Variants in DMD observed in about 807,000 individuals in gnomAD.
DMD encodes the protein dystrophin.
A neutral mutation model predicts 330.1 loss-of-function variants in DMD; 63 were observed. The observed-to-expected ratio is 0.19, with a 90% CI of 0.16 to 0.24. The LOEUF (loss-of-function observed/expected upper bound fraction) is 0.24. Ranked by LOEUF, DMD falls within the 10% of genes least tolerant of loss-of-function variation. DMD has a pLI of 1.00. For missense variants in DMD, 3,344 were observed against 2,684.1 expected (o/e 1.25, Z -5.43); for synonymous variants, 1,223 against 959.8 (o/e 1.27, Z -5.07).
At chrX:32,694,651 AT>A (rs11309795) in intron 9 of DMD, among the ~76,000 whole-genome samples, 16,073 of 110,574 alleles carry the variant, frequency 0.15, 2,652 homozygotes, top group African/African-American at 0.47. Context: ...CATACCATTT[AT>A]TTTTTTTATT....
intron 63 of DMD, among the ~76,000 whole-genome samples, chrX:31,238,700 C>T (rs1304563735): frequency 8.9e-6 from 1 of 112,201 alleles, no homozygotes. Context: ...CTCTGATGGC[C>T]TTCCCCGCTT....
At chrX:32,865,062 A>G (rs149496785) in intron 2 of DMD, among the ~76,000 whole-genome samples, 4,474 of 111,555 alleles carry the variant, frequency 0.04, 246 homozygotes, top group African/African-American at 0.14. Flanking sequence ...TTACAGTTCT[A>G]TAATTTAAAT....
intron 44 of DMD, among the ~76,000 whole-genome samples, chrX:32,213,984 A>T (rs2097103067): frequency 9.0e-6 from 1 of 110,774 alleles, no homozygotes; most frequent in African/African-American, 3.3e-5. Context: ...AAAAAAAAGT[A>T]TCCAATTGAG....
At chrX:31,125,593 G>C (rs1347994664) in intron 78 of DMD, among the ~76,000 whole-genome samples, 2 of 111,802 alleles carry the variant, frequency 1.8e-5, no homozygotes, top group African/African-American at 6.5e-5. Flanking sequence ...TCCTCCTTCA[G>C]ATTAAATTCT....
chrX:33,280,213 G>A (rs1485773466), intron 1 of DMD, among the ~76,000 whole-genome samples: 1 of 111,047 alleles, frequency 9.0e-6, no homozygotes, highest in Non-Finnish European at 1.9e-5. Flanking sequence ...GAACTCCTGA[G>A]CGTAAGCGAC....
rs139490827 is a variant in DMD at position 31,931,769 on chromosome X, T to A, written c.6762+311A>T. On this transcript the variant is annotated intron_variant, in intron 46 of 78. Coordinates refer to ENST00000357033, the MANE Select transcript of DMD (RefSeq NM_004006.3). ...TCTCAAGTAAAATCTAAAATTAATT[T>A]CAAATCAAAGATAAAAACTGTGAAT... is the stretch of plus-strand genomic sequence containing the variant. 7.7e-3 allele frequency among the ~76,000 whole-genome samples: 855 copies of A among 111,424 alleles called. 9 individuals carry two copies. Among genetic ancestry groups the A allele is most frequent in the African/African-American group, 0.026 (807 of 30,645 alleles).
chrX:32,938,292 T>G (rs1357482897), intron 2 of DMD, among the ~76,000 whole-genome samples: 1 of 111,577 alleles, frequency 9.0e-6, no homozygotes, highest in Non-Finnish European at 1.9e-5. Flanking sequence ...AAATAATACT[T>G]ATCAAAGGAG....
At chrX:31,729,050 T>C (rs928399004) in intron 52 of DMD, among the ~76,000 whole-genome samples, 8 of 111,788 alleles carry the variant, frequency 7.2e-5, no homozygotes, top group African/African-American at 2.6e-4. Context: ...CCCCATTAAA[T>C]GGATAGGAGT....
chrX:32,093,919 TA>T (rs1409600200), intron 44 of DMD, among the ~76,000 whole-genome samples: 26 of 105,491 alleles, frequency 2.5e-4, no homozygotes, highest in African/African-American at 5.5e-4. Flanking sequence ...AACCCTCCTT[TA>T]AAAAAAAAAG....
chrX:33,060,937 A>C (rs1276242902), intron 1 of DMD, among the ~76,000 whole-genome samples: 1 of 112,247 alleles, frequency 8.9e-6, no homozygotes, highest in Non-Finnish European at 1.9e-5. Context: ...GGGTTAAACT[A>C]AGTTAAACAA....
At chrX:32,605,399 A>G (rs1239188302) in intron 12 of DMD, among the ~76,000 whole-genome samples, 1 of 110,756 alleles carries the variant, frequency 9.0e-6, no homozygotes, top group Non-Finnish European at 1.9e-5. Flanking sequence ...TACAAAAATT[A>G]ACTCAAAATG....
chrX:32,467,648 A>G (rs2040175217), intron 23 of DMD, among the ~76,000 whole-genome samples: 1 of 107,207 alleles, frequency 9.3e-6, no homozygotes, highest in Non-Finnish European at 1.9e-5. Flanking sequence ...ATATATATAT[A>G]TACACACATA....
At chrX:32,106,459 T>C (rs747360686) in intron 44 of DMD, among the ~76,000 whole-genome samples, 1 of 111,683 alleles carries the variant, frequency 9.0e-6, no homozygotes, top group Non-Finnish European at 1.9e-5. Context: ...GTTATTAAAA[T>C]AGACTTGAAT....
At position 31,204,490 on chromosome X, in the gene DMD, A is replaced by T. The variant is rs149746360; in HGVS notation, c.9650-372T>A. The stretch of plus-strand genomic sequence containing the variant: ...CATTAAGAGACATATAACTGGCCCA[A>T]AGCACCACCCTCCTTGGACACCAGA... On this transcript the variant is annotated intron_variant, in intron 66 of 78. Coordinates refer to ENST00000357033, the MANE Select transcript of DMD (RefSeq NM_004006.3). Among the ~76,000 whole-genome samples, 849 of 112,357 alleles carry T rather than the reference A, an allele frequency of 7.6e-3. 4 individuals carry two copies. The highest frequency in any genetic ancestry group is 0.026 in the African/African-American group (807 of 30,917).
intron 7 of DMD, among the ~76,000 whole-genome samples, chrX:32,740,018 T>C (rs774759833): frequency 3.8e-4 from 42 of 110,126 alleles, no homozygotes; most frequent in African/African-American, 1.3e-3. Flanking sequence ...TAGTATCTTT[T>C]ACTCTGCCTA....
At chrX:31,647,027 C>T (rs1490026066) in intron 54 of DMD, among the ~76,000 whole-genome samples, 1 of 111,942 alleles carries the variant, frequency 8.9e-6, no homozygotes, top group East Asian at 2.8e-4. Flanking sequence ...CATGTAGCAC[C>T]TTGCATTTAC....
At chrX:31,337,493 C>A (rs1016236522) in intron 61 of DMD, among the ~76,000 whole-genome samples, 2 of 112,275 alleles carry the variant, frequency 1.8e-5, no homozygotes, top group Non-Finnish European at 3.8e-5. Flanking sequence ...ACTTTGTAAT[C>A]CCAAACTGGT....
intron 2 of DMD, among the ~76,000 whole-genome samples, chrX:32,965,082 C>T (rs1298947886): frequency 2.4e-5 from 2 of 84,710 alleles, no homozygotes; most frequent in Admixed American, 1.1e-4. Flanking sequence ...AGAGTGAGAA[C>T]GAGGATGAGG....
chrX:32,118,976 C>A (rs934629857), intron 44 of DMD, among the ~76,000 whole-genome samples: 2 of 111,144 alleles, frequency 1.8e-5, no homozygotes, highest in East Asian at 5.7e-4. Context: ...AGTGGTAATG[C>A]TGGCGGCCCT....
Sources: gnomAD v4.1 joint callset for allele counts (sites outside exome capture counted in the v4.1 genomes callset) on GRCh38, gnomAD v4.1.1 for gene constraint, MANE v1.5 for transcripts, NCBI Gene and HGNC (gene_info 2026-07-23, HGNC 2026-07-21) for gene names.